The following KIF3A variants were observed in gnomAD, a reference collection of about 807,000 sequenced individuals.
The protein encoded by KIF3A is kinesin-like protein KIF3A.
In KIF3A, 27 loss-of-function variants were observed where a neutral mutation model predicts 92.6. The ratio of observed to expected loss-of-function variants is 0.29; its 90% confidence interval spans 0.21 to 0.40. The LOEUF is 0.40. KIF3A is among the 10% of genes least tolerant of loss of function. The probability of loss-of-function intolerance (pLI) is 1.00; values close to 1 mark genes in which losing one functional copy is unlikely to be tolerated. For synonymous variants in KIF3A, 250 were observed against 275.4 expected (o/e 0.91, Z 0.92); for missense variants, 581 against 872.6 (o/e 0.67, Z 4.21).
intron 4 of KIF3A, 32 bp downstream of exon 4, chr5:132,726,096 A>AAAAGTACTCCACCAATT (rs1250024774): frequency 1.6e-5 from 23 of 1,482,954 alleles, no homozygotes; most frequent in Non-Finnish European, 2.0e-5. Context: ...TTGCTTTGGA[A>AAAAGTACTCCACCAATT]AAAGTACTCC....
chr5:132,700,513 A>G (rs1752997852), intron 16 of KIF3A, 134 bp downstream of exon 16: 3 of 675,386 alleles, frequency 4.4e-6, no homozygotes, highest in African/African-American at 1.8e-5. Flanking sequence ...TTAGAAAAAT[A>G]TTTTATCTGC....
chr5:132,711,589 C>CA lies in KIF3A; in HGVS notation c.1130-533dup, dbSNP rs56387903. On this transcript the variant is annotated intron_variant, in intron 8 of 18. Transcript: ENST00000403231. ...CCTCAACAACAGAGTGACTCTGTCT[C>CA]AAAAAAAAAAATAAAAATATTCAAA... 1.8e-3 allele frequency among the ~76,000 whole-genome samples: 267 copies of CA among 148,316 alleles called. 1 individual carries two copies. The highest frequency in any genetic ancestry group is 5.7e-3 in the African/African-American group (229 of 40,194).
downstream of KIF3A, among the ~76,000 whole-genome samples, chr5:132,689,426 G>T (rs749842792): frequency 7.2e-5 from 11 of 152,174 alleles, no homozygotes; most frequent in Non-Finnish European, 1.6e-4. Flanking sequence ...AAAGGGAGTA[G>T]GAGGAAATGA....
At chr5:132,712,770 C>A (rs773099984) in intron 8 of KIF3A, among the ~76,000 whole-genome samples, 1 of 152,116 alleles carries the variant, frequency 6.6e-6, no homozygotes, top group Non-Finnish European at 1.5e-5. Flanking sequence ...AATGAACATT[C>A]AACAAATATA....
chr5:132,717,355 A>G (rs888096693), intron 5 of KIF3A, among the ~76,000 whole-genome samples: 2 of 152,170 alleles, frequency 1.3e-5, no homozygotes, highest in Non-Finnish European at 2.9e-5. Flanking sequence ...GTAAAAAACA[A>G]TAATAATAAA....
At chr5:132,691,935 T>A (rs1394399080), downstream of KIF3A, among the ~76,000 whole-genome samples, 1 of 145,524 alleles carries the variant, frequency 6.9e-6, no homozygotes, top group Non-Finnish European at 1.5e-5. Context: ...AAATAATAAA[T>A]AAAATAAAAT....
chr5:132,703,326 G>T, intron 12 of KIF3A, 137 bp downstream of exon 12: 1 of 728,228 alleles, frequency 1.4e-6, no homozygotes, highest in Non-Finnish European at 2.2e-6. Context: ...TATATACAAT[G>T]GACCCTTCTA....
chr5:132,731,921 G>C (rs987768629), intron 2 of KIF3A, among the ~76,000 whole-genome samples: 3 of 152,012 alleles, frequency 2.0e-5, no homozygotes, highest in Non-Finnish European at 2.9e-5. Context: ...ATGTTGGTCA[G>C]GCTAGTCTCG....
At chr5:132,725,356 A>G (rs1754002447) in intron 4 of KIF3A, among the ~76,000 whole-genome samples, 1 of 152,164 alleles carries the variant, frequency 6.6e-6, no homozygotes, top group African/African-American at 2.4e-5. Context: ...AAAAAAAGCT[A>G]ATATTTATTA....
chr5:132,699,679 C>G (rs1207501669), intron 17 of KIF3A: 1 of 386,772 alleles, frequency 2.6e-6, no homozygotes, highest in East Asian at 7.4e-5. Flanking sequence ...CTGCCTCAGC[C>G]TCCTGAGTAG....
chr5:132,723,589 C>T (rs1185971352), intron 4 of KIF3A: 2 of 152,202 alleles, frequency 1.3e-5, no homozygotes, highest in African/African-American at 2.4e-5. Context: ...GGAAAACTGG[C>T]TAGCCATATG....
downstream of KIF3A, among the ~76,000 whole-genome samples, chr5:132,691,547 CAAA>C (rs60796392): frequency 6.7e-6 from 1 of 148,236 alleles, no homozygotes; most frequent in African/African-American, 2.5e-5. Flanking sequence ...AACTCCATCT[CAAA>C]AAAAAAAAAG....
intron 5 of KIF3A, among the ~76,000 whole-genome samples, chr5:132,717,939 G>A (rs909673855): frequency 1.3e-5 from 2 of 152,026 alleles, no homozygotes; most frequent in African/African-American, 4.8e-5. Context: ...TTCTATGAAT[G>A]AAATCTTGTG....
At chr5:132,720,581 C>T (rs769858415) in intron 5 of KIF3A, 28 bp downstream of exon 5, 25 of 1,439,340 alleles carry the variant, frequency 1.7e-5, no homozygotes, top group Non-Finnish European at 2.3e-5. Flanking sequence ...CACACAGATG[C>T]TTAATCACAA....
chr5:132,690,215 C>A (rs1437939326), downstream of KIF3A, among the ~76,000 whole-genome samples: 1 of 151,414 alleles, frequency 6.6e-6, no homozygotes, highest in Admixed American at 6.6e-5. Context: ...GACTCTGTCT[C>A]AAAAAATAAA....
Position 132,734,433 on chromosome 5 carries a change from C to A in KIF3A, c.52G>T (p.Val18Phe). 1 of 1,613,992 alleles carries A rather than the reference C, an allele frequency of 6.2e-7. No homozygotes were observed. Among genetic ancestry groups the A allele is most frequent in the Non-Finnish European group, 8.5e-7 (1 of 1,179,964 alleles). The stretch of plus-strand genomic sequence containing the variant: ...TCATTGAGGGGCCGGCACCTAACAA[C>A]AACCTTCACATTATCGCAGCTTTCT... ...KPESCDNVKVVVRCRPLNERE... is the reference protein window; with the variant it reads ...KPESCDNVKVFVRCRPLNERE... The change falls in exon 2 of 19, where the codon GTT (valine) becomes TTT (phenylalanine). Residue 18 changes from valine (V) to phenylalanine (F), a missense_variant. By Grantham distance (50) the Val-to-Phe change is conservative (BLOSUM62 -1). Around this residue, in one of 5 missense-constraint regions of KIF3A, gnomAD observed 217 missense variants for 299.7 expected, o/e 0.72. Coordinates refer to ENST00000403231, the MANE Select transcript of KIF3A (RefSeq NM_001300791.2).
intron 5 of KIF3A, among the ~76,000 whole-genome samples, chr5:132,719,112 A>C (rs1374264096): frequency 1.3e-5 from 2 of 152,248 alleles, no homozygotes; most frequent in Non-Finnish European, 2.9e-5. Context: ...TACTGTTAAC[A>C]ATGCCCTTCA....
At chr5:132,699,405 A>G (rs933814511) in intron 17 of KIF3A, 110 bp from the exon 18 acceptor site, 1 of 1,021,006 alleles carries the variant, frequency 9.8e-7, no homozygotes, top group Non-Finnish European at 1.5e-6. Context: ...CACAGAAGCT[A>G]AAACCAAAGA....
At chr5:132,734,168 A>C in intron 2 of KIF3A, 37 bp downstream of exon 2, 1 of 1,515,348 alleles carries the variant, frequency 6.6e-7, no homozygotes, top group Non-Finnish European at 9.0e-7. Context: ...ATTATGTCTC[A>C]ATAAGGGAGT....
Sources: allele counts gnomAD v4.1 joint callset (sites outside exome capture counted in the v4.1 genomes callset), GRCh38; gene constraint gnomAD v4.1.1; regional missense constraint gnomAD v4.1.1; transcripts MANE v1.5; gene names NCBI Gene and HGNC (gene_info 2026-07-23, HGNC 2026-07-21).